Variants in CLIC5 observed in about 807,000 individuals in gnomAD.
CLIC5 encodes CLIC family member 5, also known as chloride intracellular channel protein 5.
In CLIC5, 20 loss-of-function variants were observed where a neutral mutation model predicts 24.7. That is an observed-to-expected ratio of 0.81 (90% CI 0.57 to 1.18). The LOEUF (loss-of-function observed/expected upper bound fraction) is 1.18. Among genes scored for constraint, CLIC5 ranks in the 50% most tolerant of loss-of-function variants. The pLI is 0.00. For synonymous variants in CLIC5, 159 were observed against 135.6 expected, an observed-to-expected ratio of 1.17 and a Z score of -1.20; for missense variants, 341 against 326.1, an observed-to-expected ratio of 1.05 and a Z score of -0.35.
chr6:46,082,699 T>C (rs1402712429), upstream of CLIC5, among the ~76,000 whole-genome samples: 1 of 152,056 alleles, frequency 6.6e-6, no homozygotes, highest in Non-Finnish European at 1.5e-5. Context: ...TGCTTTAATG[T>C]CCCCTTCTCA....
At chr6:45,884,513 G>T (rs568982702) in intron 6 of CLIC5, among the ~76,000 whole-genome samples, 1 of 152,262 alleles carries the variant, frequency 6.6e-6, no homozygotes, top group Admixed American at 6.5e-5. Flanking sequence ...GGCAGCCCCC[G>T]CAGCCTCACC....
chr6:46,032,733 T>A (rs942610245), intron 1 of CLIC5, among the ~76,000 whole-genome samples: 1 of 152,198 alleles, frequency 6.6e-6, no homozygotes, highest in African/African-American at 2.4e-5. Flanking sequence ...TTCGTGCCCT[T>A]ATTCTTAAGT....
At chr6:45,926,404 C>G (rs1467088396) in intron 4 of CLIC5, among the ~76,000 whole-genome samples, 1 of 151,140 alleles carries the variant, frequency 6.6e-6, no homozygotes, top group South Asian at 2.1e-4. Flanking sequence ...CCCGCCACCA[C>G]ACCCGGCTAA....
At chr6:45,919,389 GGGGTTACAGGT>G (rs1485051132) in intron 4 of CLIC5, among the ~76,000 whole-genome samples, 3 of 152,074 alleles carry the variant, frequency 2.0e-5, no homozygotes, top group African/African-American at 7.2e-5. Flanking sequence ...ATGCTGGGTG[GGGGTTACAGGT>G]GGGCTGCTTG....
chr6:46,101,917 A>G, the CLIC5 span, among the ~76,000 whole-genome samples: 1 of 152,024 alleles, frequency 6.6e-6, no homozygotes, highest in African/African-American at 2.4e-5. Flanking sequence ...TCCTGGGGGA[A>G]AAAATATTTT....
intron 1 of CLIC5, among the ~76,000 whole-genome samples, chr6:46,033,133 C>A (rs1204956522): frequency 3.3e-5 from 5 of 151,874 alleles, no homozygotes; most frequent in African/African-American, 1.2e-4. Flanking sequence ...GGACTACAGG[C>A]ATGTGCCACC....
chr6:45,968,873 TAATAAAAAGCAGAAG>T (rs572750186), intron 1 of CLIC5, among the ~76,000 whole-genome samples: 67 of 152,298 alleles, frequency 4.4e-4, no homozygotes, highest in South Asian at 4.1e-3. Context: ...TGGGGCAATG[TAATAAAAAGCAGAAG>T]ATTAAGAGTT....
upstream of CLIC5, among the ~76,000 whole-genome samples, chr6:46,082,982 T>C (rs369119213): frequency 3.2e-4 from 48 of 152,334 alleles, no homozygotes; most frequent in South Asian, 9.1e-3. Context: ...CTGGTACATA[T>C]TATATATATG....
At chr6:46,077,099 A>AT (rs1762791021) in intron 1 of CLIC5, among the ~76,000 whole-genome samples, 1 of 152,198 alleles carries the variant, frequency 6.6e-6, no homozygotes, top group South Asian at 2.1e-4. Flanking sequence ...CCAAAAAAAA[A>AT]AAAGTGCATG....
chr6:46,117,914 G>A, the CLIC5 span, among the ~76,000 whole-genome samples: 10 of 152,110 alleles, frequency 6.6e-5, no homozygotes, highest in Non-Finnish European at 2.9e-5. Flanking sequence ...TCTTAACAAA[G>A]GGTGTATTCT....
intron 1 of CLIC5, 53 bp from the exon 2 acceptor site, chr6:45,955,297 A>T (rs746516211): frequency 2.2e-6 from 3 of 1,336,428 alleles, no homozygotes; most frequent in South Asian, 1.2e-5. Context: ...TAGCAAGGGG[A>T]ACATAAGATT....
chr6:45,960,526 G>T (rs1764811074), intron 1 of CLIC5, among the ~76,000 whole-genome samples: 1 of 152,170 alleles, frequency 6.6e-6, no homozygotes, highest in South Asian at 2.1e-4. Flanking sequence ...CAGTGTAGCT[G>T]TGAGGGCACG....
intron 1 of CLIC5, chr6:46,014,159 G>C (rs1193411696): frequency 6.6e-6 from 1 of 152,288 alleles, no homozygotes; most frequent in Middle Eastern, 3.4e-3. Flanking sequence ...TAAACACAAA[G>C]AATGTAAAAC....
At chr6:46,064,738 A>G (rs1445019991) in intron 1 of CLIC5, among the ~76,000 whole-genome samples, 1 of 152,130 alleles carries the variant, frequency 6.6e-6, no homozygotes, top group African/African-American at 2.4e-5. Context: ...GAAGGAAGAG[A>G]AGAAGGGAGG....
chr6:46,066,976 G>A (rs1434055044), intron 1 of CLIC5, among the ~76,000 whole-genome samples: 1 of 152,082 alleles, frequency 6.6e-6, no homozygotes, highest in Non-Finnish European at 1.5e-5. Context: ...GGTGGGAGAT[G>A]GAATTAGAGA....
In CLIC5 at chr6:45,969,537, C is replaced by G. The variant is rs1032241485; in HGVS notation, c.64-14293G>C. ...GATGACTTTTCCAAGGCCACATAGA[C>G]GATCGGTAGGGATGGAGTTTGCTAT... On this transcript the variant is annotated intron_variant, in intron 1 of 5. Coordinates refer to ENST00000339561, the MANE Select transcript of CLIC5 (RefSeq NM_016929.5). Among the ~76,000 whole-genome samples the G allele has an allele frequency of 5.0e-5, 7 of 140,568 alleles. 1 individual carries two copies. 92.2% of individuals were successfully genotyped at this position (140,568 alleles called of 152,430 possible). A position where few individuals can be genotyped will look rare whatever the true frequency, so the allele number is the denominator to read the frequency against.
the CLIC5 span, among the ~76,000 whole-genome samples, chr6:46,094,225 G>A: frequency 1.3e-5 from 2 of 152,118 alleles, no homozygotes; most frequent in African/African-American, 4.8e-5. Context: ...ATTTGGGCAG[G>A]GACACAGATC....
intron 4 of CLIC5, among the ~76,000 whole-genome samples, chr6:45,936,012 G>T (rs1239830868): frequency 1.3e-5 from 2 of 151,792 alleles, no homozygotes; most frequent in Non-Finnish European, 2.9e-5. Flanking sequence ...CATCCTCCCT[G>T]GCTAGTCCTT....
intron 1 of CLIC5, among the ~76,000 whole-genome samples, chr6:46,048,665 C>A (rs1238547757): frequency 6.6e-6 from 1 of 152,142 alleles, no homozygotes; most frequent in African/African-American, 2.4e-5. Context: ...AACCTCAGCC[C>A]TGATCAGAGC....
Sources: gnomAD v4.1 joint callset for allele counts (sites outside exome capture counted in the v4.1 genomes callset) on GRCh38, gnomAD v4.1.1 for gene constraint, MANE v1.5 for transcripts, NCBI Gene and HGNC (gene_info 2026-07-23, HGNC 2026-07-21) for gene names.